Variants in ZBTB20 observed in about 807,000 individuals in gnomAD.
ZBTB20 encodes zinc finger and BTB domain containing 20.
A neutral mutation model predicts 56.9 loss-of-function variants in ZBTB20; 9 were observed. The ratio of observed to expected loss-of-function variants is 0.16; its 90% confidence interval spans 0.10 to 0.28. ZBTB20 has a LOEUF of 0.28. Among genes scored for constraint, ZBTB20 ranks in the 10% least tolerant of loss-of-function variants. The pLI is 1.00. For missense variants in ZBTB20, 655 were observed against 1,003.0 expected (o/e 0.65, Z 4.69); for synonymous variants, 417 against 420.7 (o/e 0.99, Z 0.11).
At chr3:114,834,406 A>C (rs1257938995) in intron 4 of ZBTB20, among the ~76,000 whole-genome samples, 1 of 152,194 alleles carries the variant, frequency 6.6e-6, no homozygotes, top group African/African-American at 2.4e-5. Context: ...ACCGGAATTC[A>C]GCTGTTATCA....
chr3:115,002,582 T>C (rs988255331), intron 2 of ZBTB20, among the ~76,000 whole-genome samples: 5 of 151,486 alleles, frequency 3.3e-5, no homozygotes, highest in African/African-American at 7.3e-5. Flanking sequence ...AAAACCTGCA[T>C]AGAAAATGAT....
chr3:114,933,091 G>C (rs1265299028), intron 3 of ZBTB20, among the ~76,000 whole-genome samples: 1 of 152,126 alleles, frequency 6.6e-6, no homozygotes, highest in Non-Finnish European at 1.5e-5. Flanking sequence ...AAACCCATAA[G>C]TAAAGCCATC....
chr3:114,523,222 A>G (rs1292577415), intron 6 of ZBTB20, among the ~76,000 whole-genome samples: 1 of 152,204 alleles, frequency 6.6e-6, no homozygotes, highest in African/African-American at 2.4e-5. Context: ...ACATCAGGAA[A>G]GACAAAGACT....
chr3:114,790,334 C>T (rs2070854447), intron 5 of ZBTB20, among the ~76,000 whole-genome samples: 1 of 151,626 alleles, frequency 6.6e-6, no homozygotes, highest in South Asian at 2.1e-4. Flanking sequence ...TTTTTGTTCC[C>T]AACTCTGTGA....
At chr3:114,936,443 A>AT (rs1453693187) in intron 3 of ZBTB20, among the ~76,000 whole-genome samples, 1 of 152,220 alleles carries the variant, frequency 6.6e-6, no homozygotes, top group Non-Finnish European at 1.5e-5. Flanking sequence ...TAATCATTAC[A>AT]TTTGTTCCAC....
intron 2 of ZBTB20, among the ~76,000 whole-genome samples, chr3:115,062,747 C>T (rs1033693076): frequency 1.1e-4 from 16 of 151,698 alleles, no homozygotes; most frequent in Admixed American, 9.2e-4. Flanking sequence ...TTTTTGTAAA[C>T]CACAACAAAA....
intron 2 of ZBTB20, among the ~76,000 whole-genome samples, chr3:115,065,704 C>T (rs1243041087): frequency 1.3e-5 from 2 of 152,128 alleles, no homozygotes; most frequent in African/African-American, 4.8e-5. Flanking sequence ...AAAAGGTTAT[C>T]AGAGATCATC....
chr3:114,712,236 A>T (rs2064132173), intron 5 of ZBTB20, among the ~76,000 whole-genome samples: 1 of 152,160 alleles, frequency 6.6e-6, no homozygotes, highest in Non-Finnish European at 1.5e-5. Flanking sequence ...TTTACTATGA[A>T]ACTGCTATTT....
At chr3:114,774,506 C>T (rs2069445905) in intron 5 of ZBTB20, among the ~76,000 whole-genome samples, 1 of 150,904 alleles carries the variant, frequency 6.6e-6, no homozygotes, top group African/African-American at 2.4e-5. Context: ...TCCTAGAGGT[C>T]CCTGTAAACT....
intron 3 of ZBTB20, among the ~76,000 whole-genome samples, chr3:114,915,179 A>G (rs1197697850): frequency 1.3e-5 from 2 of 151,942 alleles, no homozygotes; most frequent in Non-Finnish European, 1.5e-5. Context: ...GGTAAAATTC[A>G]GCAGTAAAGC....
chr3:114,777,809 G>A (rs966655970), intron 5 of ZBTB20, among the ~76,000 whole-genome samples: 5 of 151,862 alleles, frequency 3.3e-5, no homozygotes, highest in African/African-American at 4.8e-5. Flanking sequence ...TGTTTATTGC[G>A]GCACTATTCA....
chr3:115,010,062 C>T (rs996588424), intron 2 of ZBTB20, among the ~76,000 whole-genome samples: 4 of 151,866 alleles, frequency 2.6e-5, no homozygotes, highest in African/African-American at 7.2e-5. Flanking sequence ...ACTTTTGTCC[C>T]ACTAAGCAAA....
At position 114,970,534 on chromosome 3, in the gene ZBTB20, A is replaced by G. The variant is rs890344121; in HGVS notation, c.-456+3832T>C. Among the ~76,000 whole-genome samples the G allele has an allele frequency of 2.6e-5, 4 of 152,292 alleles. No homozygotes were observed. The South Asian group carries it at 8.3e-4, about 32-fold the overall frequency. ...ATTTATTAGTGTGTTTCATGAAAAC[A>G]TTTTATTCAATTAATAAACAGGTTT... On this transcript the variant is annotated intron_variant, in intron 3 of 11. Transcript: ENST00000675478.
At chr3:114,579,541 TA>T (rs200905111) in intron 6 of ZBTB20, among the ~76,000 whole-genome samples, 63 of 147,772 alleles carry the variant, frequency 4.3e-4, no homozygotes, top group East Asian at 1.8e-3. Flanking sequence ...CCTAAAAATA[TA>T]AAAAAAAAGA....
intron 5 of ZBTB20, among the ~76,000 whole-genome samples, chr3:114,722,623 C>A (rs2064993929): frequency 6.6e-6 from 1 of 152,142 alleles, no homozygotes; most frequent in Non-Finnish European, 1.5e-5. Flanking sequence ...TTTAATTACC[C>A]TTAAGATTTT....
intron 5 of ZBTB20, among the ~76,000 whole-genome samples, chr3:114,800,638 C>G (rs2071639366): frequency 6.6e-6 from 1 of 151,836 alleles, no homozygotes; most frequent in African/African-American, 2.4e-5. Flanking sequence ...CATGAACTTT[C>G]TTTCTCTCCA....
intron 6 of ZBTB20, among the ~76,000 whole-genome samples, chr3:114,688,829 A>G (rs1168252368): frequency 6.6e-6 from 1 of 152,172 alleles, no homozygotes; most frequent in African/African-American, 2.4e-5. Flanking sequence ...CCCAGAAAGC[A>G]AATTACTTTT....
intron 4 of ZBTB20, among the ~76,000 whole-genome samples, chr3:114,892,940 G>A (rs1560370254): frequency 6.6e-6 from 1 of 152,196 alleles, no homozygotes; most frequent in Non-Finnish European, 1.5e-5. Flanking sequence ...ATTGGTTGTA[G>A]AAAGCACAAA....
chr3:114,588,431 T>C (rs193087311), intron 6 of ZBTB20, among the ~76,000 whole-genome samples: 2 of 152,320 alleles, frequency 1.3e-5, no homozygotes, highest in Admixed American at 6.5e-5. Context: ...CTCCTTTCCT[T>C]GATGGGTGGC....
Sources: gnomAD v4.1 joint callset for allele counts (sites outside exome capture counted in the v4.1 genomes callset) on GRCh38, gnomAD v4.1.1 for gene constraint, MANE v1.5 for transcripts, NCBI Gene and HGNC (gene_info 2026-07-23, HGNC 2026-07-21) for gene names.